The following UGT2B28 variants were observed in gnomAD, a reference collection of about 807,000 sequenced individuals.
UGT2B28 encodes the protein UDP-glucuronosyltransferase 2B28.
In UGT2B28, 45 loss-of-function variants were observed where a neutral mutation model predicts 43.6. The observed-to-expected ratio is 1.03, with a 90% CI of 0.81 to 1.32. The LOEUF (loss-of-function observed/expected upper bound fraction) is 1.32, where lower values mean the gene tolerates loss of function less well. Among genes scored for constraint, UGT2B28 ranks in the 40% most tolerant of loss-of-function variants. UGT2B28 has a pLI of 0.00. For missense variants in UGT2B28, 649 were observed against 625.5 expected (o/e 1.04, Z -0.40); for synonymous variants, 204 against 208.1 (o/e 0.98, Z 0.17).
In UGT2B28 at chr4:69,294,813, T is replaced by A. The variant is rs561719036; in HGVS notation, c.*4T>A. On this transcript the variant is annotated 3_prime_UTR_variant, in exon 6 of 6. Coordinates refer to ENST00000335568, the MANE Select transcript of UGT2B28 (RefSeq NM_053039.2). Reference sequence around the variant, plus strand: ...GAAGAAGGGAAAAAGAGATTAGTTATGTCTGACATTTGAAGCTGGAAAACC... The same window carrying A: ...GAAGAAGGGAAAAAGAGATTAGTTAAGTCTGACATTTGAAGCTGGAAAACC... 6.5e-7 allele frequency: 1 copy of A among 1,542,334 alleles called. No homozygotes were observed. Among genetic ancestry groups the A allele is most frequent in the Non-Finnish European group, 8.7e-7 (1 of 1,147,604 alleles).
intron 5 of UGT2B28, among the ~76,000 whole-genome samples, chr4:69,291,931 T>C (rs1723966575): frequency 1.4e-5 from 2 of 140,510 alleles, no homozygotes; most frequent in South Asian, 4.8e-4. Context: ...AAATGATCTC[T>C]CATCCTGGTC....
chr4:69,291,774 T>C (rs1723962489), intron 5 of UGT2B28, among the ~76,000 whole-genome samples: 1 of 140,696 alleles, frequency 7.1e-6, no homozygotes. Context: ...GAGAACTGTA[T>C]GTTTATGAAG....
intron 3 of UGT2B28, among the ~76,000 whole-genome samples, chr4:69,288,940 A>C (rs1318013302): frequency 7.1e-6 from 1 of 140,754 alleles, no homozygotes; most frequent in Non-Finnish European, 1.5e-5. Flanking sequence ...TTATGGCTGC[A>C]TAATATTCTG....
At position 69,287,794 on chromosome 4, in the gene UGT2B28, C is replaced by A. The variant is rs1403684612; in HGVS notation, c.1002+911C>A. 5.7e-5 allele frequency among the ~76,000 whole-genome samples: 8 copies of A among 140,240 alleles called. 2 individuals are homozygous for A. Among genetic ancestry groups the A allele is most frequent in the East Asian group, 2.0e-4 (1 of 4,934 alleles). The allele number at this position is 140,240 out of a possible 152,430, so 92.0% of individuals were successfully genotyped here. On this transcript the variant is annotated intron_variant, in intron 3 of 5. Coordinates refer to ENST00000335568, the MANE Select transcript of UGT2B28 (RefSeq NM_053039.2). ...GTATTTTCTTCTATATAGAATAAAC[C>A]AGGGACCTTTGTGTATTTGTGAATT...
rs1384872268 is a variant in UGT2B28, at chr4:69,288,372, C to T, written c.1003-1293C>T. Among the ~76,000 whole-genome samples, 3 of 138,728 alleles carry T rather than the reference C, an allele frequency of 2.2e-5. 1 individual carries two copies. Among genetic ancestry groups the T allele is most frequent in the East Asian group, 2.0e-4 (1 of 4,908 alleles). The allele number at this position is 138,728 out of a possible 152,430, so 91.0% of individuals were successfully genotyped here. A position where few individuals can be genotyped will look rare whatever the true frequency, so the allele number is the denominator to read the frequency against. ...GGACAACAGGCTCTAATATAATAACCTACCGACAAGTAGATACATTTATAC... is the reference window on the plus strand; with the variant it reads ...GGACAACAGGCTCTAATATAATAACTTACCGACAAGTAGATACATTTATAC... On this transcript the variant is annotated intron_variant, in intron 3 of 5. Transcript: ENST00000335568.
chr4:69,294,735 T>C lies in UGT2B28; in HGVS notation c.1516T>C (p.Phe506Leu). Residue 506 changes from phenylalanine (F) to leucine (L), a missense_variant, in exon 6 of 6, where the codon TTT becomes CTT. Coordinates refer to ENST00000335568, the MANE Select transcript of UGT2B28 (RefSeq NM_053039.2). Reference protein sequence around the residue: ...FLLACVATVIFVVTKFCLFCF... With the variant: ...FLLACVATVILVVTKFCLFCF... Reference sequence around the variant, plus strand: ...GCTGGCCTGTGTGGCAACTGTGATATTTGTCGTCACAAAGTTTTGTCTGTT... The same window carrying C: ...GCTGGCCTGTGTGGCAACTGTGATACTTGTCGTCACAAAGTTTTGTCTGTT... 6.4e-7 allele frequency: 1 copy of C among 1,559,718 alleles called. No homozygotes were observed. Among genetic ancestry groups the C allele is most frequent in the Non-Finnish European group, 8.7e-7 (1 of 1,155,292 alleles).
chr4:69,285,367 G>T (rs1365593204), intron 2 of UGT2B28, among the ~76,000 whole-genome samples: 1 of 139,736 alleles, frequency 7.2e-6, no homozygotes, highest in Non-Finnish European at 1.5e-5. Flanking sequence ...TATCACTAAA[G>T]GAGCAACAAC....
Position 69,294,634 on chromosome 4 carries a change from G to C in UGT2B28, c.1415G>C (p.Gly472Ala). The C allele has an allele frequency of 1.3e-6, 2 of 1,557,750 alleles. No individual in the cohort carries two copies. Among genetic ancestry groups the C allele is most frequent in the Non-Finnish European group, 1.7e-6 (2 of 1,154,056 alleles). Residue 472 changes from glycine (G) to alanine (A), a missense_variant, in exon 6 of 6, where the codon GGA becomes GCA. Coordinates refer to ENST00000335568, the MANE Select transcript of UGT2B28 (RefSeq NM_053039.2). The part of the protein sequence containing the change: ...FWIEFVMCHK[G>A]AKHLRVAARD... Reference sequence around the variant, plus strand: ...ATTGAATTTGTGATGTGCCACAAAGGAGCCAAACACCTTCGAGTTGCAGCC... The same window carrying C: ...ATTGAATTTGTGATGTGCCACAAAGCAGCCAAACACCTTCGAGTTGCAGCC...
intron 5 of UGT2B28, 87 bp downstream of exon 5, chr4:69,290,898 G>C: frequency 7.2e-7 from 1 of 1,380,642 alleles, no homozygotes; most frequent in Non-Finnish European, 9.6e-7. Flanking sequence ...CTTTTTATAA[G>C]AGAGTAATCT....
In UGT2B28 at chr4:69,289,527, G is replaced by A; in HGVS notation, c.1003-138G>A. On this transcript the variant is annotated intron_variant, in intron 3 of 5. Transcript: ENST00000335568. ...TAAAAGTTAAGAAAATAAAATGTGA[G>A]TATTGTTTTTACATCAATCTCTGAG... 4 of 759,894 alleles carry A rather than the reference G, an allele frequency of 5.3e-6. 1 individual carries two copies. The highest frequency in any genetic ancestry group is 6.5e-5 in the East Asian group (2 of 30,766). 47.1% of individuals were successfully genotyped at this position (759,894 alleles called of 1,614,324 possible).
rs1723653704 is a variant in UGT2B28 at position 69,282,691 on chromosome 4, G to T, written c.870+29G>T. On this transcript the variant is annotated intron_variant, in intron 2 of 5. Transcript: ENST00000335568. ...AACATACTTTCGTTGGTTTTATTTT[G>T]TTGGCTTCGAAGTTTCAGTAGAAAT... 7 of 1,536,204 alleles carry T rather than the reference G, an allele frequency of 4.6e-6. 1 individual carries two copies. The East Asian group carries it at 9.4e-5, about 21-fold the overall frequency.
rs561858599 is a variant in UGT2B28, at chr4:69,285,623, C to T, written c.871-1129C>T. ...ATATTTTAAAAAACGCTCTGCCATACGTGGTGCACTGTTCACATTTAGACA... is the reference window on the plus strand; with the variant it reads ...ATATTTTAAAAAACGCTCTGCCATATGTGGTGCACTGTTCACATTTAGACA... On this transcript the variant is annotated intron_variant, in intron 2 of 5. Coordinates refer to ENST00000335568, the MANE Select transcript of UGT2B28 (RefSeq NM_053039.2). Among the ~76,000 whole-genome samples, 80 of 141,322 alleles carry T rather than the reference C, an allele frequency of 5.7e-4. 12 individuals carry two copies. The highest frequency in any genetic ancestry group is 3.4e-3 in the Middle Eastern group (1 of 296). The allele number at this position is 141,322 out of a possible 152,430, so 92.7% of individuals were successfully genotyped here.
rs1723580064 is a variant in UGT2B28, at chr4:69,280,875, C to T, written c.375C>T (p.Asn125=). The change falls in exon 1 of 6, where the codon AAC becomes AAT. Residue 125 remains asparagine, a synonymous_variant. Transcript: ENST00000335568. ...ILWEFHDIFR[N]FCKDVVSNKK... ...GGGAATTTCATGACATATTTAGAAA[C>T]TTCTGTAAAGATGTAGTTTCAAATA... The T allele has an allele frequency of 1.3e-6, 2 of 1,558,190 alleles. No homozygotes were observed. Among genetic ancestry groups the T allele is most frequent in the Non-Finnish European group, 1.7e-6 (2 of 1,155,232 alleles).
rs775253593 is a variant in UGT2B28, at chr4:69,281,185, A to G, written c.685A>G (p.Met229Val). ...YFDFWFQMCD[M>V]KKWDQFYSEV... The stretch of plus-strand genomic sequence containing the variant: ...TGACTTTTGGTTCCAAATGTGTGAT[A>G]TGAAGAAGTGGGATCAGTTTTACAG... The change falls in exon 1 of 6, where the codon ATG (methionine) becomes GTG (valine). Residue 229 changes from methionine (M) to valine (V), a missense_variant. Met to Val is a conservative substitution (Grantham distance 21, BLOSUM62 1). Coordinates refer to ENST00000335568, the MANE Select transcript of UGT2B28 (RefSeq NM_053039.2). The G allele has an allele frequency of 1.6e-5, 24 of 1,542,804 alleles. 3 individuals carry two copies. The highest frequency in any genetic ancestry group is 1.7e-5 in the Non-Finnish European group (19 of 1,148,966).
At chr4:69,287,925 G>A (rs1317138218) in intron 3 of UGT2B28, among the ~76,000 whole-genome samples, 1 of 140,500 alleles carries the variant, frequency 7.1e-6, no homozygotes, top group Non-Finnish European at 1.5e-5. Flanking sequence ...GTTAAACACT[G>A]TAAATTATTG....
At position 69,289,633 on chromosome 4, in the gene UGT2B28, C is replaced by A. The variant is rs1280115711; in HGVS notation, c.1003-32C>A. On this transcript the variant is annotated intron_variant, in intron 3 of 5. Transcript: ENST00000335568. ...CATTCTATAATTTTTGAGTTCCACT[C>A]ATGGAATAAGATATTCTCTTTACTG... The A allele has an allele frequency of 2.0e-6, 3 of 1,509,732 alleles. 1 individual carries two copies. The highest frequency in any genetic ancestry group is 2.5e-5 in the South Asian group (2 of 78,496). 93.5% of individuals were successfully genotyped at this position (1,509,732 alleles called of 1,614,324 possible).
At position 69,282,559 on chromosome 4, in the gene UGT2B28, G is replaced by T. The variant is rs1232144226; in HGVS notation, c.767G>T (p.Trp256Leu). Residue 256 changes from tryptophan (W) to leucine (L), a missense_variant, in exon 2 of 6, where the codon TGG becomes TTG. Transcript: ENST00000335568. Reference sequence around the variant, plus strand: ...GAGACAATGGGGAAAGCTGACATATGGCTTATGCGAAACTCCTGGAGTTTT... The same window carrying T: ...GAGACAATGGGGAAAGCTGACATATTGCTTATGCGAAACTCCTGGAGTTTT... Reference protein sequence around the residue: ...LFETMGKADIWLMRNSWSFQF... With the variant: ...LFETMGKADILLMRNSWSFQF... 6.4e-7 allele frequency: 1 copy of T among 1,553,236 alleles called. No homozygotes were observed.
intron 1 of UGT2B28, among the ~76,000 whole-genome samples, chr4:69,281,614 G>A (rs1723613023): frequency 7.1e-6 from 1 of 140,688 alleles, no homozygotes; most frequent in African/African-American, 2.8e-5. Context: ...CTATATAACT[G>A]CAGAAAGTTT....
intron 2 of UGT2B28, among the ~76,000 whole-genome samples, chr4:69,285,195 T>C (rs1206643110): frequency 7.1e-6 from 1 of 139,940 alleles, no homozygotes; most frequent in Non-Finnish European, 1.5e-5. Context: ...GTGTCACATG[T>C]ATACATTGAC....
Sources: gnomAD v4.1 joint callset for allele counts (sites outside exome capture counted in the v4.1 genomes callset) on GRCh38, gnomAD v4.1.1 for gene constraint, MANE v1.5 for transcripts, NCBI Gene and HGNC (gene_info 2026-07-23, HGNC 2026-07-21) for gene names.